Variants in USP43 observed in about 807,000 individuals in gnomAD.
The protein encoded by USP43 is ubiquitin specific peptidase 43.
A neutral mutation model predicts 90.7 loss-of-function variants in USP43; 33 were observed. The observed-to-expected ratio is 0.36, with a 90% confidence interval of 0.28 to 0.49. The LOEUF (loss-of-function observed/expected upper bound fraction) is 0.49. Ranked by LOEUF, USP43 falls within the 20% of genes least tolerant of loss-of-function variation. The pLI is 0.98. For missense variants in USP43, 1,274 were observed against 1,476.4 expected, an observed-to-expected ratio of 0.86 and a Z score of 2.25; for synonymous variants, 598 against 615.8, an observed-to-expected ratio of 0.97 and a Z score of 0.43.
At chr17:9,719,916 A>G (rs1413671282) in intron 14 of USP43, among the ~76,000 whole-genome samples, 1 of 151,998 alleles carries the variant, frequency 6.6e-6, no homozygotes, top group Non-Finnish European at 1.5e-5. Flanking sequence ...AAAATACAAA[A>G]ATTAGCTGGG....
chr17:9,645,356 G>A, upstream of USP43: 1 of 242,216 alleles, frequency 4.1e-6, no homozygotes. The surrounding 1 kb of genome is among the most constrained non-coding windows in gnomAD (Gnocchi z 6.8). Flanking sequence ...AGGAAGGGTG[G>A]GGAATCCGAC....
chr17:9,678,783 G>A (rs1456616486), intron 5 of USP43, among the ~76,000 whole-genome samples: 2 of 149,660 alleles, frequency 1.3e-5, no homozygotes, highest in South Asian at 2.1e-4. Flanking sequence ...TTTACATTGA[G>A]CAATTTTTCT....
At chr17:9,655,521 G>A (rs7212464) in intron 1 of USP43, among the ~76,000 whole-genome samples, 20,820 of 152,212 alleles carry the variant, frequency 0.14, 1,808 homozygotes, top group African/African-American at 0.25. Flanking sequence ...TAAACTTTTA[G>A]AAAGTTGGAA....
chr17:9,690,519 G>A (rs72820053), intron 8 of USP43, among the ~76,000 whole-genome samples: 41,902 of 151,852 alleles, frequency 0.28, 6,427 homozygotes, highest in East Asian at 0.63. Flanking sequence ...GTATACTCCC[G>A]ATTTTTTCAT....
At chr17:9,685,299 C>T (rs900071601) in intron 7 of USP43, among the ~76,000 whole-genome samples, 3 of 152,216 alleles carry the variant, frequency 2.0e-5, no homozygotes, top group Non-Finnish European at 2.9e-5. Flanking sequence ...GGAGTACCCA[C>T]GGCAGAGTTA....
rs114382285 is a variant in USP43 at position 9,646,043 on chromosome 17, T to G, written c.411T>G (p.Ala137=). The change falls in exon 1 of 15, where the codon GCT becomes GCG. Residue 137 remains alanine (A), a synonymous_variant. Coordinates refer to ENST00000285199, the MANE Select transcript of USP43 (RefSeq NM_153210.5). ...EFLALGRYRA[A]PGRAEVTEQL... ...TGGCGCTGGGGCGCTACCGGGCGGCTCCGGGCCGCGCCGAGGTCACCGAGC... is the reference window on the plus strand; with the variant it reads ...TGGCGCTGGGGCGCTACCGGGCGGCGCCGGGCCGCGCCGAGGTCACCGAGC... 0.017 allele frequency: 24,824 copies of G among 1,499,860 alleles called. 2,326 individuals are homozygous for G. In the African/African-American group the frequency reaches 0.25, roughly 15 times the overall value. 92.9% of individuals were successfully genotyped at this position (1,499,860 alleles called of 1,614,324 possible).
At chr17:9,687,022 T>A in intron 8 of USP43, 113 bp downstream of exon 8, 1 of 917,678 alleles carries the variant, frequency 1.1e-6, no homozygotes. Context: ...GAGAGGATAA[T>A]TTGCTGTTAA....
chr17:9,678,304 ATTATAT>A (rs1913919942), intron 5 of USP43, among the ~76,000 whole-genome samples: 1 of 152,166 alleles, frequency 6.6e-6, no homozygotes. Flanking sequence ...TGGCAAGTGT[ATTATAT>A]TTATGTTATA....
chr17:9,693,402 C>T (rs1915076429), intron 9 of USP43, among the ~76,000 whole-genome samples, 172 bp downstream of exon 9: 1 of 150,994 alleles, frequency 6.6e-6, no homozygotes, highest in Non-Finnish European at 1.5e-5. Context: ...TGCTTTGAAC[C>T]CGTATGTCTG....
chr17:9,715,683 GTGTA>G lies in USP43; in HGVS notation c.2335+3555_2335+3558del, dbSNP rs1350806137. On this transcript the variant is annotated intron_variant, in intron 14 of 14. Coordinates refer to ENST00000285199, the MANE Select transcript of USP43 (RefSeq NM_153210.5). ...TGTATGTGCCTGTGTGTGTGTCTGT[GTGTA>G]TGTGTGTGTGTCTGTGTGTGTCTCT... Among the ~76,000 whole-genome samples, 7 of 143,836 alleles carry G rather than the reference GTGTA, an allele frequency of 4.9e-5. No homozygotes were observed. The East Asian group carries it at 1.0e-3, about 21-fold the overall frequency. The allele number at this position is 143,836 out of a possible 152,430, so 94.4% of individuals were successfully genotyped here.
At position 9,701,815 on chromosome 17, in the gene USP43, C is replaced by A; in HGVS notation, c.2011+115C>A. ...CTGGGGCACTTATTGAGATCCGACC[C>A]CTCACCCACCGCACACCAGGAAGAT... On this transcript the variant is annotated intron_variant, in intron 12 of 14. Coordinates refer to ENST00000285199, the MANE Select transcript of USP43 (RefSeq NM_153210.5). This position sits in a 1 kb window ranked among gnomAD's most constrained non-coding sequence, Gnocchi z 7.2. The A allele has an allele frequency of 1.2e-6, 1 of 863,452 alleles. No homozygotes were observed. Among genetic ancestry groups the A allele is most frequent in the Non-Finnish European group, 1.7e-6 (1 of 583,196 alleles). The allele number at this position is 863,452 out of a possible 1,614,324, so 53.5% of individuals were successfully genotyped here.
In USP43 at chr17:9,709,843, G is replaced by GT; in HGVS notation, c.2012-106dup. On this transcript the variant is annotated intron_variant, in intron 12 of 14. Coordinates refer to ENST00000285199, the MANE Select transcript of USP43 (RefSeq NM_153210.5). The surrounding 1 kb of genome is among the most constrained non-coding windows in gnomAD (Gnocchi z 5.0). Reference sequence around the variant, plus strand: ...ATTCATTTCTGGCCAAAAATGGACTGTTTTTTTCTCATTCTGGTTTAAACA... The same window carrying GT: ...ATTCATTTCTGGCCAAAAATGGACTGTTTTTTTTCTCATTCTGGTTTAAACA... 5.9e-6 allele frequency: 7 copies of GT among 1,184,860 alleles called. No individual in the cohort carries two copies. Among genetic ancestry groups the GT allele is most frequent in the South Asian group, 4.1e-5 (1 of 24,242 alleles). The allele number at this position is 1,184,860 out of a possible 1,614,324, so 73.4% of individuals were successfully genotyped here. A position where few individuals can be genotyped will look rare whatever the true frequency, so the allele number is the denominator to read the frequency against.
intron 14 of USP43, among the ~76,000 whole-genome samples, chr17:9,720,212 GCTAC>G (rs1253854744): frequency 2.0e-5 from 3 of 151,182 alleles, no homozygotes; most frequent in African/African-American, 7.3e-5. Flanking sequence ...TGTAGTCCCA[GCTAC>G]CTGGGAGGCT....
intron 12 of USP43, among the ~76,000 whole-genome samples, chr17:9,703,177 A>ATTTTTTTTTTTTTTT (rs759991039): frequency 6.9e-6 from 1 of 143,906 alleles, no homozygotes; most frequent in Non-Finnish European, 1.5e-5. Context: ...TGTTACTCAG[A>ATTTTTTTTTTTTTTT]TTTTTTTTTT....
chr17:9,676,323 C>T (rs1413965973), intron 4 of USP43, among the ~76,000 whole-genome samples: 1 of 152,110 alleles, frequency 6.6e-6, no homozygotes, highest in Non-Finnish European at 1.5e-5. Context: ...AGGGACACAA[C>T]CAGGAAGCGG....
At chr17:9,681,509 T>TATATATAATATA (rs58110468) in intron 6 of USP43, among the ~76,000 whole-genome samples, 1 of 110,686 alleles carries the variant, frequency 9.0e-6, no homozygotes. Flanking sequence ...TATATATATA[T>TATATATAATATA]TTGAGATGGT....
chr17:9,684,763 CAA>C (rs34404550), intron 7 of USP43, among the ~76,000 whole-genome samples: 4 of 65,834 alleles, frequency 6.1e-5, no homozygotes, highest in Admixed American at 1.7e-4. Context: ...AACTCCATCT[CAA>C]AAAAAAAAAA....
intron 14 of USP43, among the ~76,000 whole-genome samples, chr17:9,725,188 G>T (rs1917198644): frequency 1.3e-5 from 2 of 152,108 alleles, no homozygotes; most frequent in Admixed American, 1.3e-4. Context: ...GGGGGCTCTT[G>T]TGGGGTCCAA....
intron 8 of USP43, 75 bp from the exon 9 acceptor site, chr17:9,693,052 A>T (rs1444605041): frequency 1.0e-6 from 1 of 995,548 alleles, no homozygotes; most frequent in South Asian, 1.4e-5. Flanking sequence ...TTTTTAATGT[A>T]TGCGCCCCTT....
Sources: gnomAD v4.1 joint callset for allele counts (sites outside exome capture counted in the v4.1 genomes callset) on GRCh38, gnomAD v4.1.1 for gene constraint, Gnocchi (gnomAD v3.1) non-coding constraint, MANE v1.5 for transcripts, NCBI Gene and HGNC (gene_info 2026-07-23, HGNC 2026-07-21) for gene names.